The following CYC1 variants were observed in gnomAD, a reference collection of about 807,000 sequenced individuals.
CYC1 encodes cytochrome c1, heme protein, mitochondrial.
A neutral mutation model predicts 33.8 loss-of-function variants in CYC1; 10 were observed. The ratio of observed to expected loss-of-function variants is 0.30; its 90% confidence interval spans 0.18 to 0.50. The LOEUF is 0.50. CYC1 is among the 20% of genes least tolerant of loss of function. The pLI is 0.98. For missense variants in CYC1, 459 were observed against 437.6 expected, an observed-to-expected ratio of 1.05 and a Z score of -0.44; for synonymous variants, 224 against 181.9, an observed-to-expected ratio of 1.23 and a Z score of -1.86.
Position 144,095,921 on chromosome 8 carries a change from G to C in CYC1, c.218G>C (p.Gly73Ala). 6.2e-7 allele frequency: 1 copy of C among 1,609,158 alleles called. No individual in the cohort carries two copies. Among genetic ancestry groups the C allele is most frequent in the East Asian group, 2.2e-5 (1 of 44,864 alleles). Residue 73 changes from glycine (G) to alanine (A), a missense_variant, in exon 2 of 7, where the codon GGG (glycine) becomes GCG (alanine). By Grantham distance (60) the Gly-to-Ala change is moderately conservative (BLOSUM62 0). Coordinates refer to ENST00000318911, the MANE Select transcript of CYC1 (RefSeq NM_001916.5). ...ALGMLAAGGA[G>A]LAMALHSAVS... Reference sequence around the variant, plus strand: ...GGCATGCTGGCGGCAGGGGGTGCGGGGCTGGCCATGGCTCTGCATTCGGCT... The same window carrying C: ...GGCATGCTGGCGGCAGGGGGTGCGGCGCTGGCCATGGCTCTGCATTCGGCT...
Position 144,095,996 on chromosome 8 carries a change from A to G in CYC1, c.293A>G (p.His98Arg), listed in dbSNP as rs1288850380. 2 of 1,605,810 alleles carry G rather than the reference A, an allele frequency of 1.2e-6. No individual in the cohort carries two copies. The highest frequency in any genetic ancestry group is 1.3e-5 in the African/African-American group (1 of 74,752). The change falls in exon 2 of 7, where the codon CAC becomes CGC. Residue 98 changes from histidine (H) to arginine (R), a missense_variant. Physicochemically the swap from His to Arg is conservative, Grantham distance 29 (BLOSUM62 0). Transcript: ENST00000318911. The stretch of plus-strand genomic sequence containing the variant: ...CACCCCCCCAGCTATCCGTGGTCTC[A>G]CCGTGGCCTCCTCTCTTCCTTGGAC... Reference protein sequence around the residue: ...ELHPPSYPWSHRGLLSSLDHT... With the variant: ...ELHPPSYPWSRRGLLSSLDHT...
chr8:144,095,726 G>GGT, intron 1 of CYC1, 107 bp from the exon 2 acceptor site: 1 of 1,184,110 alleles, frequency 8.4e-7, no homozygotes, highest in Admixed American at 2.1e-5. Context: ...TGCGTCTGGT[G>GGT]CCCTGCAGGA....
chr8:144,095,172 GCCCGGGGTCTGCTGTGCAGCGCGCGT>G lies in CYC1; in HGVS notation c.80_105del (p.Gly27AlafsTer51). 8.3e-7 allele frequency: 1 copy of G among 1,209,300 alleles called. No homozygotes were observed. Among genetic ancestry groups the G allele is most frequent in the Non-Finnish European group, 1.0e-6 (1 of 972,846 alleles). The allele number at this position is 1,209,300 out of a possible 1,614,324, so 74.9% of individuals were successfully genotyped here. A position where few individuals can be genotyped will look rare whatever the true frequency, so the allele number is the denominator to read the frequency against. On this transcript the variant is annotated frameshift_variant, in exon 1 of 7. Coordinates refer to ENST00000318911, the MANE Select transcript of CYC1 (RefSeq NM_001916.5). LOFTEE classifies it high-confidence loss of function. ...GGGCGCGGGGCTCCCGGGCGCGCGT[GCCCGGGGTCTGCTGTGCAGCGCGCGT>G]CCCGGGCAGCTCCCGCTACGGACAC...
At chr8:144,096,081 A>G in intron 2 of CYC1, 43 bp from the exon 3 acceptor site, 2 of 1,605,174 alleles carry the variant, frequency 1.2e-6, no homozygotes, top group East Asian at 2.2e-5. Context: ...TGGAGCTGGT[A>G]AGGTGGAATC....
rs1316721083 is a variant in CYC1, at chr8:144,096,357, C to G, written c.474C>G (p.Pro158=). 6.2e-7 allele frequency: 1 copy of G among 1,613,936 alleles called. No individual in the cohort carries two copies. Among genetic ancestry groups the G allele is most frequent in the Non-Finnish European group, 8.5e-7 (1 of 1,179,972 alleles). ...LAAEVEVQDG[P]NEDGEMFMRP... ...GGCAGGTGGAGGTTCAAGACGGCCCCAATGAAGATGGGGAGATGTTCATGC... is the reference window on the plus strand; with the variant it reads ...GGCAGGTGGAGGTTCAAGACGGCCCGAATGAAGATGGGGAGATGTTCATGC... The change falls in exon 4 of 7, where the codon CCC becomes CCG. Residue 158 remains proline, a synonymous_variant. Transcript: ENST00000318911.
chr8:144,096,794 C>T, intron 5 of CYC1, 50 bp downstream of exon 5: 3 of 1,205,932 alleles, frequency 2.5e-6, no homozygotes, highest in Non-Finnish European at 3.5e-6. Context: ...TTCTCCACTA[C>T]CCCCAGGGAT....
intron 1 of CYC1, 41 bp from the exon 2 acceptor site, chr8:144,095,792 C>T: frequency 2.5e-6 from 4 of 1,592,100 alleles, no homozygotes; most frequent in Non-Finnish European, 3.4e-6. Context: ...CCAGGTAGGG[C>T]TGGGTGGTGT....
chr8:144,096,995 T>G, intron 5 of CYC1, 39 bp from the exon 6 acceptor site: 162 of 1,533,404 alleles, frequency 1.1e-4, no homozygotes, highest in Middle Eastern at 1.7e-4. Flanking sequence ...AGGTTGGACA[T>G]GAGCCTGAGA....
intron 1 of CYC1, 199 bp from the exon 2 acceptor site, chr8:144,095,634 C>T: frequency 1.6e-6 from 1 of 613,266 alleles, no homozygotes; most frequent in Non-Finnish European, 2.8e-6. Context: ...GGCTCAGGAT[C>T]CAGGAACACC....
At chr8:144,095,506 T>C in intron 1 of CYC1, 1 of 453,600 alleles carries the variant, frequency 2.2e-6, no homozygotes, top group Non-Finnish European at 3.8e-6. Flanking sequence ...CCAGGACGGC[T>C]CTTGCGGCTG....
Position 144,095,428 on chromosome 8 carries a change from C to G in CYC1, c.129+200C>G, listed in dbSNP as rs905126098. 5 of 451,972 alleles carry G rather than the reference C, an allele frequency of 1.1e-5. 1 individual carries two copies. The highest frequency in any genetic ancestry group is 6.0e-4 in the Middle Eastern group (1 of 1,676). 28.0% of individuals were successfully genotyped at this position (451,972 alleles called of 1,614,324 possible). ...CTCTCCGAACGGCAGAGAGCCCGTC[C>G]CCAGCGTGGGGGTTGGCGGGACGGG... On this transcript the variant is annotated intron_variant, in intron 1 of 6. Coordinates refer to ENST00000318911, the MANE Select transcript of CYC1 (RefSeq NM_001916.5).
chr8:144,096,530 T>TG, intron 4 of CYC1, 36 bp downstream of exon 4: 1 of 1,613,648 alleles, frequency 6.2e-7, no homozygotes, highest in Non-Finnish European at 8.5e-7. Context: ...GCTGGAGAGA[T>TG]GGGGGAAGGG....
At position 144,096,358 on chromosome 8, in the gene CYC1, A is replaced by G. The variant is rs752269018; in HGVS notation, c.475A>G (p.Asn159Asp). 17 of 1,613,780 alleles carry G rather than the reference A, an allele frequency of 1.1e-5. No individual in the cohort carries two copies. The highest frequency in any genetic ancestry group is 1.4e-5 in the Non-Finnish European group (17 of 1,179,918). ...AAEVEVQDGPNEDGEMFMRPG... is the reference protein window; with the variant it reads ...AAEVEVQDGPDEDGEMFMRPG... Reference sequence around the variant, plus strand: ...GCAGGTGGAGGTTCAAGACGGCCCCAATGAAGATGGGGAGATGTTCATGCG... The same window carrying G: ...GCAGGTGGAGGTTCAAGACGGCCCCGATGAAGATGGGGAGATGTTCATGCG... Residue 159 changes from asparagine to aspartate, a missense_variant, in exon 4 of 7, where the codon AAT becomes GAT. Coordinates refer to ENST00000318911, the MANE Select transcript of CYC1 (RefSeq NM_001916.5).
intron 5 of CYC1, 24 bp from the exon 6 acceptor site, chr8:144,097,010 C>T (rs770438704): frequency 1.3e-6 from 2 of 1,572,512 alleles, no homozygotes; most frequent in Non-Finnish European, 1.7e-6. Context: ...CTGAGAATAG[C>T]CCTCACTGCT....
intron 5 of CYC1, 144 bp from the exon 6 acceptor site, chr8:144,096,890 C>A: frequency 8.3e-7 from 1 of 1,202,316 alleles, no homozygotes; most frequent in South Asian, 1.3e-5. Flanking sequence ...GGCTTTTGGG[C>A]TCCTTCAGTT....
chr8:144,096,154 G>C lies in CYC1; in HGVS notation c.357G>C (p.Gln119His), dbSNP rs1836147582. 6.2e-7 allele frequency: 1 copy of C among 1,613,652 alleles called. No homozygotes were observed. The highest frequency in any genetic ancestry group is 1.3e-5 in the African/African-American group (1 of 74,916). The change falls in exon 3 of 7, where the codon CAG becomes CAC. Residue 119 changes from glutamine to histidine, a missense_variant. Transcript: ENST00000318911. ...GGAGGGGTTTCCAGGTATATAAGCA[G>C]GTGTGCGCCTCCTGCCACAGCATGG... ...SIRRGFQVYK[Q>H]VCASCHSMDF...
At chr8:144,095,780 C>A in intron 1 of CYC1, 53 bp from the exon 2 acceptor site, 1 of 1,573,450 alleles carries the variant, frequency 6.4e-7, no homozygotes, top group Non-Finnish European at 8.6e-7. Flanking sequence ...AGAGTCAGAT[C>A]CCCAGGTAGG....
At position 144,096,414 on chromosome 8, in the gene CYC1, A is replaced by C; in HGVS notation, c.531A>C (p.Lys177Asn). ...RPGKLFDYFP[K>N]PYPNSEAARA... ...GGAAGCTGTTCGACTATTTCCCAAA[A>C]CCATACCCCAACAGTGAGGCTGCTC... The change falls in exon 4 of 7, where the codon AAA (lysine) becomes AAC (asparagine). Residue 177 changes from lysine (K) to asparagine (N), a missense_variant. Transcript: ENST00000318911. 1 of 1,613,622 alleles carries C rather than the reference A, an allele frequency of 6.2e-7. No individual in the cohort carries two copies. Among genetic ancestry groups the C allele is most frequent in the Non-Finnish European group, 8.5e-7 (1 of 1,179,884 alleles).
At chr8:144,095,783 C>G (rs1041794561) in intron 1 of CYC1, 50 bp from the exon 2 acceptor site, 42 of 1,579,542 alleles carry the variant, frequency 2.7e-5, no homozygotes, top group Non-Finnish European at 3.4e-5. Flanking sequence ...GTCAGATCCC[C>G]AGGTAGGGCT....
Sources: gnomAD v4.1 joint callset for allele counts on GRCh38, gnomAD v4.1.1 for gene constraint, MANE v1.5 for transcripts, NCBI Gene and HGNC (gene_info 2026-07-23, HGNC 2026-07-21) for gene names.